Variants in NRDE2 observed in about 807,000 individuals in gnomAD.
NRDE2 encodes the protein nuclear exosome regulator NRDE2.
Under a neutral mutation model 124.2 loss-of-function variants are expected in NRDE2, and 76 were observed. The ratio of observed to expected loss-of-function variants is 0.61; its 90% CI spans 0.51 to 0.74. NRDE2 has a LOEUF of 0.74. Ranked by LOEUF, NRDE2 falls within the 30% of genes least tolerant of loss-of-function variation. The probability of loss-of-function intolerance (pLI) is 0.00; values close to 1 mark genes in which losing one functional copy is unlikely to be tolerated. For missense variants in NRDE2, 1,314 were observed against 1,417.3 expected, an observed-to-expected ratio of 0.93 and a Z score of 1.17; for synonymous variants, 489 against 528.1, an observed-to-expected ratio of 0.93 and a Z score of 1.01.
rs1215300530 is a variant in NRDE2 at position 90,292,870 on chromosome 14, C to T, written c.1669G>A (p.Glu557Lys). ...RGGWVVINPD[E>K]DDDEPEEDDQ... ...TCCTCTTCTGGTTCATCGTCATCCT[C>T]ATCTAGACAAGAATGAGACTTCTTC... is the stretch of plus-strand genomic sequence containing the variant. The change falls in exon 9 of 14, where the codon GAG becomes AAG. Residue 557 changes from glutamate to lysine, a missense_variant and splice_region_variant. Transcript: ENST00000354366. The T allele has an allele frequency of 6.2e-7, 1 of 1,612,384 alleles. No individual in the cohort carries two copies. Among genetic ancestry groups the T allele is most frequent in the Non-Finnish European group, 8.5e-7 (1 of 1,178,650 alleles).
In NRDE2 at chr14:90,302,829, T is replaced by C; in HGVS notation, c.1302A>G (p.Ile434Met). The change falls in exon 6 of 14, where the codon ATA (isoleucine) becomes ATG (methionine). Residue 434 changes from isoleucine to methionine, a missense_variant. Physicochemically the swap from Ile to Met is conservative, Grantham distance 10. Transcript: ENST00000354366. ...TTCCATAAAGACTGTGAATTTTTGATATCGAAAAGGTACTAAACTGGCTCT... is the reference window on the plus strand; with the variant it reads ...TTCCATAAAGACTGTGAATTTTTGACATCGAAAAGGTACTAAACTGGCTCT... ...FCQSQFSTFS[I>M]SKIHSLYGKC... 1.2e-6 allele frequency: 2 copies of C among 1,614,158 alleles called. No individual in the cohort carries two copies. Among genetic ancestry groups the C allele is most frequent in the Non-Finnish European group, 1.7e-6 (2 of 1,180,040 alleles).
Position 90,272,195 on chromosome 14 carries a change from C to T in NRDE2, c.*6141G>A. Reference sequence around the variant, plus strand: ...AGGTGTGAGCCACCGCGCCTGGCCTCAGAATAGGTTTTTTGGAATTCCTTG... The same window carrying T: ...AGGTGTGAGCCACCGCGCCTGGCCTTAGAATAGGTTTTTTGGAATTCCTTG... On this transcript the variant is annotated 3_prime_UTR_variant, in exon 14 of 14. Transcript: ENST00000354366. The surrounding 1 kb of genome is among the most constrained non-coding windows in gnomAD (Gnocchi z 4.5). The T allele has an allele frequency of 1.3e-6, 2 of 1,550,764 alleles. No individual in the cohort carries two copies. Among genetic ancestry groups the T allele is most frequent in the Non-Finnish European group, 1.7e-6 (2 of 1,146,020 alleles).
chr14:90,268,653 C>G lies in NRDE2; in HGVS notation c.*9683G>C, dbSNP rs1256410628. ...CATGTCTTGAGCACCCGCCCTGATC[C>G]AGGACCATCTGGACTCTAGGGACAC... is the stretch of plus-strand genomic sequence containing the variant. On this transcript the variant is annotated 3_prime_UTR_variant, in exon 14 of 14. Transcript: ENST00000354366. The G allele has an allele frequency of 6.9e-6, 3 of 435,470 alleles. No individual in the cohort carries two copies. In the Admixed American group the frequency reaches 1.2e-4, roughly 17 times the overall value. The allele number at this position is 435,470 out of a possible 1,614,324, so 27.0% of individuals were successfully genotyped here.
chr14:90,306,010 A>C (rs374396263), intron 4 of NRDE2, among the ~76,000 whole-genome samples: 12 of 152,238 alleles, frequency 7.9e-5, no homozygotes, highest in African/African-American at 2.9e-4. Flanking sequence ...GCATCAAAAA[A>C]ATAGGATGGG....
In NRDE2 at chr14:90,269,297, G is replaced by A. The variant is rs141352038; in HGVS notation, c.*9039C>T. 1.6e-3 allele frequency: 1,719 copies of A among 1,050,126 alleles called. 2 individuals are homozygous for A. Among genetic ancestry groups the A allele is most frequent in the Non-Finnish European group, 2.2e-3 (1,619 of 732,318 alleles). The allele number at this position is 1,050,126 out of a possible 1,614,324, so 65.1% of individuals were successfully genotyped here. A position where few individuals can be genotyped will look rare whatever the true frequency, so the allele number is the denominator to read the frequency against. ...GTGCCATGTGAGTTGAAACAGGAAT[G>A]TTTGTTAAGGTGTTTTGTCACAATG... On this transcript the variant is annotated 3_prime_UTR_variant, in exon 14 of 14. Transcript: ENST00000354366.
At chr14:90,278,567 G>GCCCTCCACGGCCCCTGCT in intron 13 of NRDE2, 106 bp from the exon 14 acceptor site, 1 of 1,360,622 alleles carries the variant, frequency 7.3e-7, no homozygotes, top group East Asian at 2.4e-5. Context: ...CCCTCCTGTC[G>GCCCTCCACGGCCCCTGCT]CCCTCCACGG....
At chr14:90,279,558 T>A (rs1891897184) in intron 12 of NRDE2, 1 of 157,092 alleles carries the variant, frequency 6.4e-6, no homozygotes, top group Admixed American at 6.5e-5. Flanking sequence ...CTTTAATACT[T>A]GCCATTTTCT....
rs1306436657 is a variant in NRDE2, at chr14:90,270,035, A to G, written c.*8301T>C. 5.7e-6 allele frequency: 4 copies of G among 696,924 alleles called. No homozygotes were observed. Among genetic ancestry groups the G allele is most frequent in the Admixed American group, 6.4e-5 (2 of 31,354 alleles). The allele number at this position is 696,924 out of a possible 1,614,324, so 43.2% of individuals were successfully genotyped here. The stretch of plus-strand genomic sequence containing the variant: ...AGAGAATTCAAATGTAGAAATCTAC[A>G]AACTACAAAAATATATGTTTACTTT... On this transcript the variant is annotated 3_prime_UTR_variant, in exon 14 of 14. Coordinates refer to ENST00000354366, the MANE Select transcript of NRDE2 (RefSeq NM_017970.4).
In NRDE2 at chr14:90,288,511, G is replaced by A. The variant is rs1892173794; in HGVS notation, c.2864C>T (p.Thr955Ile). 2 of 1,614,116 alleles carry A rather than the reference G, an allele frequency of 1.2e-6. No homozygotes were observed. Among genetic ancestry groups the A allele is most frequent in the South Asian group, 2.2e-5 (2 of 91,070 alleles). The stretch of plus-strand genomic sequence containing the variant: ...CAGTGTGATGGCTTCGAGAACACTG[G>A]TCCAACTCTGGGAGCTGGCACTGTC... Reference protein sequence around the residue: ...EGDSASSQSWTSVLEAITLMH... With the variant: ...EGDSASSQSWISVLEAITLMH... Residue 955 changes from threonine (T) to isoleucine (I), a missense_variant, in exon 11 of 14, where the codon ACC becomes ATC. Thr to Ile is a moderately conservative substitution (Grantham distance 89). Coordinates refer to ENST00000354366, the MANE Select transcript of NRDE2 (RefSeq NM_017970.4).
intron 1 of NRDE2, among the ~76,000 whole-genome samples, chr14:90,325,882 A>T (rs1177426708): frequency 6.6e-6 from 1 of 152,108 alleles, no homozygotes; most frequent in Non-Finnish European, 1.5e-5. Context: ...CCTCTCACTC[A>T]TTTTGGTATT....
intron 7 of NRDE2, among the ~76,000 whole-genome samples, chr14:90,298,762 A>G (rs1884277642): frequency 1.3e-5 from 2 of 152,144 alleles, no homozygotes; most frequent in South Asian, 4.1e-4. Context: ...GTAGTTTCCT[A>G]GTTCTTATCC....
chr14:90,296,449 G>T (rs1483547212), intron 8 of NRDE2, among the ~76,000 whole-genome samples: 1 of 152,200 alleles, frequency 6.6e-6, no homozygotes, highest in Non-Finnish European at 1.5e-5. Context: ...AGTGAGGCAT[G>T]ATCACTGCCT....
Position 90,287,033 on chromosome 14 carries a change from CAAAAAA to C in NRDE2, c.3159-547_3159-542del, listed in dbSNP as rs60863011. ...TGGGCAACAGAGTGAGACTCCGTCT[CAAAAAA>C]AAAAAAAAAAAAAAAAAAAAAAAAG... On this transcript the variant is annotated intron_variant, in intron 11 of 13. Transcript: ENST00000354366. Among the ~76,000 whole-genome samples the C allele has an allele frequency of 3.8e-4, 9 of 23,814 alleles. No homozygotes were observed. The East Asian group carries it at 5.5e-3, about 15-fold the overall frequency. The allele number at this position is 23,814 out of a possible 152,430, so 15.6% of individuals were successfully genotyped here. A position where few individuals can be genotyped will look rare whatever the true frequency, so the allele number is the denominator to read the frequency against.
At chr14:90,283,068 G>C (rs1415681659) in intron 12 of NRDE2, among the ~76,000 whole-genome samples, 1 of 152,160 alleles carries the variant, frequency 6.6e-6, no homozygotes, top group Non-Finnish European at 1.5e-5. Context: ...GGGAGCCTTA[G>C]CCTTCCCCCC....
intron 1 of NRDE2, among the ~76,000 whole-genome samples, chr14:90,321,123 T>G (rs1274927457): frequency 1.3e-5 from 2 of 152,180 alleles, no homozygotes; most frequent in African/African-American, 2.4e-5. Flanking sequence ...TCCAGTATAT[T>G]TCTATATAAA....
chr14:90,290,427 T>G lies in NRDE2; in HGVS notation c.2023A>C (p.Lys675Gln). Residue 675 changes from lysine (K) to glutamine (Q), a missense_variant, in exon 10 of 14, where the codon AAG becomes CAG. Transcript: ENST00000354366. ...AAAGGGTTGAAAAAAGTCAAGGGCT[T>G]TTCATCATAAAGTCCATTATCAAAG... ...SIFDNGLYDE[K>Q]PLTFFNPLFS... 6.2e-7 allele frequency: 1 copy of G among 1,614,038 alleles called. No homozygotes were observed.
Position 90,326,351 on chromosome 14 carries a change from G to A in NRDE2, c.64+5490C>T, listed in dbSNP as rs562896254. Among the ~76,000 whole-genome samples, 53 of 151,918 alleles carry A rather than the reference G, an allele frequency of 3.5e-4. 1 individual carries two copies. The highest frequency in any genetic ancestry group is 2.3e-3 in the Admixed American group (35 of 15,240). ...CTACTAAAAATACAAAAAATTAGCC[G>A]GGCGCGGTGGCGGGCGCCTGTAGTC... On this transcript the variant is annotated intron_variant, in intron 1 of 13. Transcript: ENST00000354366.
intron 4 of NRDE2, among the ~76,000 whole-genome samples, chr14:90,311,841 G>A (rs1274461253): frequency 6.6e-6 from 1 of 152,024 alleles, no homozygotes; most frequent in South Asian, 2.1e-4. Flanking sequence ...GGACAAGTTT[G>A]GTCTAAAGGG....
chr14:90,285,492 G>C (rs1195253686), intron 12 of NRDE2, among the ~76,000 whole-genome samples: 1 of 151,862 alleles, frequency 6.6e-6, no homozygotes, highest in African/African-American at 2.4e-5. Context: ...AGTAGAGACG[G>C]GGTTTCGCCA....
Sources: allele counts gnomAD v4.1 joint callset (sites outside exome capture counted in the v4.1 genomes callset), GRCh38; gene constraint gnomAD v4.1.1; non-coding constraint Gnocchi (gnomAD v3.1); transcripts MANE v1.5; gene names NCBI Gene and HGNC (gene_info 2026-07-23, HGNC 2026-07-21).